The following RBBP5 variants were observed in gnomAD, a reference collection of about 807,000 sequenced individuals.
The protein encoded by RBBP5 is RB binding protein 5, histone lysine methyltransferase complex subunit.
In RBBP5, 5 loss-of-function variants were observed where a neutral mutation model predicts 72.2. That is an observed-to-expected ratio of 0.07 (90% CI 0.04 to 0.15). The LOEUF (loss-of-function observed/expected upper bound fraction) is 0.15. RBBP5 is among the 10% of genes least tolerant of loss of function. The pLI, the probability that RBBP5 is intolerant of heterozygous loss-of-function variation, is 1.00. For synonymous variants in RBBP5, 209 were observed against 237.2 expected (o/e 0.88, Z 1.09); for missense variants, 322 against 652.2 (o/e 0.49, Z 5.51).
intron 2 of RBBP5, among the ~76,000 whole-genome samples, chr1:205,115,223 A>G (rs1416756477): frequency 6.6e-6 from 1 of 152,226 alleles, no homozygotes; most frequent in Non-Finnish European, 1.5e-5. Flanking sequence ...CTGGAGGGCA[A>G]ATGGGCAAAA....
chr1:205,120,110 T>G (rs1656678626), intron 1 of RBBP5, among the ~76,000 whole-genome samples: 1 of 152,204 alleles, frequency 6.6e-6, no homozygotes, highest in Non-Finnish European at 1.5e-5. Flanking sequence ...ATATGCAATC[T>G]ATTCTCAAAT....
At chr1:205,094,200 G>A (rs1366330800) in intron 13 of RBBP5, among the ~76,000 whole-genome samples, 1 of 152,128 alleles carries the variant, frequency 6.6e-6, no homozygotes, top group Non-Finnish European at 1.5e-5. Flanking sequence ...AAAGGCTTAG[G>A]TGTTAAGAAA....
chr1:205,118,191 C>T (rs564334196), intron 1 of RBBP5, among the ~76,000 whole-genome samples: 1 of 152,322 alleles, frequency 6.6e-6, no homozygotes, highest in Non-Finnish European at 1.5e-5. Flanking sequence ...ACTTGTTTGT[C>T]TCTCCTCTTA....
chr1:205,093,157 A>G (rs1655416540), intron 13 of RBBP5, among the ~76,000 whole-genome samples: 1 of 151,920 alleles, frequency 6.6e-6, no homozygotes, highest in Non-Finnish European at 1.5e-5. Context: ...GCTCCAGGCT[A>G]CTTTACAATA....
At position 205,088,698 on chromosome 1, in the gene RBBP5, A is replaced by G; in HGVS notation, c.*89T>C. The G allele has an allele frequency of 2.1e-6, 3 of 1,403,156 alleles. No homozygotes were observed. Among genetic ancestry groups the G allele is most frequent in the Non-Finnish European group, 3.0e-6 (3 of 1,014,704 alleles). 86.9% of individuals were successfully genotyped at this position (1,403,156 alleles called of 1,614,324 possible). A position where few individuals can be genotyped will look rare whatever the true frequency, so the allele number is the denominator to read the frequency against. On this transcript the variant is annotated 3_prime_UTR_variant, in exon 14 of 14. Coordinates refer to ENST00000264515, the MANE Select transcript of RBBP5 (RefSeq NM_005057.4). ...GGTGGGAGGCACAGGCCTTTGTTTT[A>G]AATTAAAGTCAATTTTCAAATGACT...
At position 205,102,054 on chromosome 1, in the gene RBBP5, G is replaced by A. The variant is rs150424315; in HGVS notation, c.523-345C>T. Among the ~76,000 whole-genome samples the A allele has an allele frequency of 8.6e-5, 13 of 152,004 alleles. 1 individual carries two copies. Among genetic ancestry groups the A allele is most frequent in the East Asian group, 5.8e-4 (3 of 5,172 alleles). On this transcript the variant is annotated intron_variant, in intron 5 of 13. Transcript: ENST00000264515. ...TGGGATTACACGCATGCGCCACGAC[G>A]CCTGGCTAATTTTGTATTTTTAGTA...
intron 5 of RBBP5, 118 bp downstream of exon 5, chr1:205,103,739 C>T (rs1655939545): frequency 8.6e-7 from 1 of 1,167,168 alleles, no homozygotes; most frequent in Non-Finnish European, 1.2e-6. Flanking sequence ...ACTACATTTG[C>T]TGCAGAAAGG....
chr1:205,121,219 G>A (rs1253974577), intron 1 of RBBP5, among the ~76,000 whole-genome samples: 2 of 152,168 alleles, frequency 1.3e-5, no homozygotes, highest in African/African-American at 4.8e-5. Flanking sequence ...AGGAGGTAAG[G>A]AGGCAATGAC....
At chr1:205,094,791 A>C (rs1655547064) in intron 13 of RBBP5, 82 bp downstream of exon 13, 3 of 1,372,676 alleles carry the variant, frequency 2.2e-6, no homozygotes, top group South Asian at 1.5e-5. Context: ...AGGGGGAAAA[A>C]ATGTTGCAGT....
chr1:205,095,804 C>T (rs922122815), intron 12 of RBBP5, among the ~76,000 whole-genome samples: 1 of 152,142 alleles, frequency 6.6e-6, no homozygotes, highest in African/African-American at 2.4e-5. Context: ...AGCAATGGTA[C>T]ATATACCAAA....
rs200141234 is a variant in RBBP5 at position 205,100,119 on chromosome 1, T to C, written c.752+33A>G. The C allele has an allele frequency of 2.3e-3, 3,775 of 1,614,112 alleles. 10 individuals are homozygous for C. Among genetic ancestry groups the C allele is most frequent in the Non-Finnish European group, 2.3e-3 (2,720 of 1,179,952 alleles). On this transcript the variant is annotated intron_variant, in intron 7 of 13. Transcript: ENST00000264515. ...CTGGAACTCAAGCCCAGGTCATGAA[T>C]GATCACATATTCTTCTAGGTTGTGA...
chr1:205,095,617 C>G (rs1002736269), intron 12 of RBBP5, among the ~76,000 whole-genome samples: 2 of 152,254 alleles, frequency 1.3e-5, no homozygotes, highest in East Asian at 3.9e-4. Flanking sequence ...CACAGAGAGG[C>G]ATGTGAGAGC....
intron 3 of RBBP5, 105 bp from the exon 4 acceptor site, chr1:205,105,273 A>T (rs1656009358): frequency 7.5e-7 from 1 of 1,339,736 alleles, no homozygotes; most frequent in African/African-American, 1.5e-5. Flanking sequence ...GCACAGGTCA[A>T]CAATGTTTTT....
chr1:205,089,249 C>T (rs746903245), intron 13 of RBBP5, among the ~76,000 whole-genome samples: 2 of 152,106 alleles, frequency 1.3e-5, no homozygotes, highest in Non-Finnish European at 2.9e-5. Context: ...AGCAAGAAAC[C>T]CTTTTCCCAG....
At chr1:205,098,663 G>A (rs746499148) in intron 10 of RBBP5, among the ~76,000 whole-genome samples, 14 of 151,962 alleles carry the variant, frequency 9.2e-5, no homozygotes, top group Admixed American at 5.9e-4. Flanking sequence ...GGCCAACATG[G>A]GGAAACCCCA....
At chr1:205,093,953 C>T (rs1413534231) in intron 13 of RBBP5, among the ~76,000 whole-genome samples, 1 of 151,868 alleles carries the variant, frequency 6.6e-6, no homozygotes, top group Non-Finnish European at 1.5e-5. Context: ...AAACTAGCCA[C>T]AAAAAAATTG....
At chr1:205,110,656 A>G (rs1380382002) in intron 3 of RBBP5, among the ~76,000 whole-genome samples, 7 of 152,236 alleles carry the variant, frequency 4.6e-5, no homozygotes, top group Middle Eastern at 3.2e-3. Context: ...AAAGATATAG[A>G]TATCTTATAG....
chr1:205,107,757 C>A lies in RBBP5; in HGVS notation c.219-2589G>T, dbSNP rs181640058. Among the ~76,000 whole-genome samples the A allele has an allele frequency of 1.0e-3, 158 of 151,732 alleles. 1 individual carries two copies. The East Asian group carries it at 0.026, about 25-fold the overall frequency. ...GGTTGGCAGTTGGAGACCAGCCTGG[C>A]CAACATGCTGAAAACCCGTCTCTAC... On this transcript the variant is annotated intron_variant, in intron 3 of 13. Coordinates refer to ENST00000264515, the MANE Select transcript of RBBP5 (RefSeq NM_005057.4).
chr1:205,098,032 G>A (rs953798958), intron 10 of RBBP5, among the ~76,000 whole-genome samples: 1 of 151,920 alleles, frequency 6.6e-6, no homozygotes, highest in African/African-American at 2.4e-5. Context: ...GGATTAAAAA[G>A]TCAAATCTTT....
Sources: allele counts gnomAD v4.1 joint callset (sites outside exome capture counted in the v4.1 genomes callset), GRCh38; gene constraint gnomAD v4.1.1; transcripts MANE v1.5; gene names NCBI Gene and HGNC (gene_info 2026-07-23, HGNC 2026-07-21).